Variants in ERI2 observed in about 807,000 individuals in gnomAD.
ERI2 encodes ERI1 exoribonuclease 2.
A neutral mutation model predicts 46.8 loss-of-function variants in ERI2; 35 were observed. That is an observed-to-expected ratio of 0.75 (90% CI 0.57 to 0.99). ERI2 has a LOEUF of 0.99. ERI2 is among the 50% of genes least tolerant of loss of function. ERI2 has a pLI of 0.00. For synonymous variants in ERI2, 224 were observed against 271.0 expected, an observed-to-expected ratio of 0.83 and a Z score of 1.70; for missense variants, 695 against 796.2, an observed-to-expected ratio of 0.87 and a Z score of 1.53.
At chr16:20,787,830 AG>A (rs768130096) in intron 10 of ERI2, among the ~76,000 whole-genome samples, 2 of 152,220 alleles carry the variant, frequency 1.3e-5, no homozygotes, top group Non-Finnish European at 2.9e-5. Flanking sequence ...AGTTGGGACT[AG>A]AGTGACCAAC....
At chr16:20,780,676 G>A (rs1197080061) in exon 11 of ERI2, 9 of 1,614,200 alleles carry the variant, frequency 5.6e-6, no homozygotes, top group Non-Finnish European at 6.8e-6. Flanking sequence ...CTGTGATGCT[G>A]TGTTTAACAT....
Position 20,790,463 on chromosome 16 carries a change from A to G in ERI2, c.815+387T>C, listed in dbSNP as rs1244581183. On this transcript the variant is annotated intron_variant, in intron 9 of 10. Transcript: ENST00000300005. The surrounding 1 kb of genome is among the most constrained non-coding windows in gnomAD (Gnocchi z 4.0). The stretch of plus-strand genomic sequence containing the variant: ...CAAAGTGAGACCTTGTCTCACACAC[A>G]CAAAATTTTTTTTAAGTCTTCATTT... 8 of 903,102 alleles carry G rather than the reference A, an allele frequency of 8.9e-6. No individual in the cohort carries two copies. Among genetic ancestry groups the G allele is most frequent in the South Asian group, 5.1e-5 (3 of 59,138 alleles). The allele number at this position is 903,102 out of a possible 1,614,324, so 55.9% of individuals were successfully genotyped here. A position where few individuals can be genotyped will look rare whatever the true frequency, so the allele number is the denominator to read the frequency against.
intron 10 of ERI2, among the ~76,000 whole-genome samples, chr16:20,787,648 C>A (rs2080503488): frequency 6.6e-6 from 1 of 152,206 alleles, no homozygotes; most frequent in African/African-American, 2.4e-5. Flanking sequence ...TGCTGTAACT[C>A]TTTATAGAAT....
At chr16:20,787,002 C>A (rs1412855861) in intron 10 of ERI2, among the ~76,000 whole-genome samples, 1 of 152,198 alleles carries the variant, frequency 6.6e-6, no homozygotes, top group Non-Finnish European at 1.5e-5. Context: ...CTGGCCATTT[C>A]CAGCCTCTCT....
Position 20,790,629 on chromosome 16 carries a change from G to A in ERI2, c.815+221C>T. ...CAATGTTCTACCTCCTGGACAAGAA[G>A]GAGATATTGGCATTCAAGTTCTACC... On this transcript the variant is annotated intron_variant, in intron 9 of 10. Coordinates refer to the ERI2 transcript ENST00000300005. The surrounding 1 kb of genome is among the most constrained non-coding windows in gnomAD (Gnocchi z 4.0). The A allele has an allele frequency of 2.5e-6, 4 of 1,614,094 alleles. No homozygotes were observed. The highest frequency in any genetic ancestry group is 3.4e-6 in the Non-Finnish European group (4 of 1,179,996).
At chr16:20,806,160 C>A in intron 1 of ERI2, 1 of 1,375,838 alleles carries the variant, frequency 7.3e-7, no homozygotes. Flanking sequence ...CAAGGCCACA[C>A]AGTCAAGGCC....
At chr16:20,781,714 T>TC in intron 10 of ERI2, 1 of 1,612,320 alleles carries the variant, frequency 6.2e-7, no homozygotes, top group Non-Finnish European at 8.5e-7. Context: ...GCAGACACTC[T>TC]CCAAGTACCC....
At chr16:20,784,160 C>G (rs577548732) in intron 10 of ERI2, among the ~76,000 whole-genome samples, 1 of 152,194 alleles carries the variant, frequency 6.6e-6, no homozygotes, top group African/African-American at 2.4e-5. Context: ...CAGTTCTGCA[C>G]CTTGCTTTTT....
At position 20,798,422 on chromosome 16, in the gene ERI2, C is replaced by A. The variant is rs1350254337; in HGVS notation, c.1378G>T (p.Asp460Tyr). Residue 460 changes from aspartate (D) to tyrosine (Y), a missense_variant, in exon 9 of 9, where the codon GAC (aspartate) becomes TAC (tyrosine). Coordinates refer to ENST00000357967, the MANE Select transcript of ERI2 (RefSeq NM_001142725.2). ...LEMSSHENFG[D>Y]IEETPQKSET... ...GATTTTTGAGGAGTTTCCTCTATGTCTCCAAAGTTTTCATGACTTGACATT... is the reference window on the plus strand; with the variant it reads ...GATTTTTGAGGAGTTTCCTCTATGTATCCAAAGTTTTCATGACTTGACATT... The A allele has an allele frequency of 4.5e-6, 7 of 1,550,532 alleles. No homozygotes were observed. The African/African-American group carries it at 8.2e-5, about 18-fold the overall frequency.
At chr16:20,795,580 C>T (rs1221541170), downstream of ERI2, among the ~76,000 whole-genome samples, 1 of 152,196 alleles carries the variant, frequency 6.6e-6, no homozygotes, top group East Asian at 1.9e-4. Context: ...ATTTCAGGCA[C>T]CTAAGTGCAG....
chr16:20,792,287 A>G, downstream of ERI2: 1 of 1,614,136 alleles, frequency 6.2e-7, no homozygotes, highest in Non-Finnish European at 8.5e-7. Context: ...AACACCCTTC[A>G]GTTGCAGAGT....
chr16:20,792,377 A>G, downstream of ERI2: 7 of 1,607,116 alleles, frequency 4.4e-6, no homozygotes, highest in Non-Finnish European at 6.0e-6. Flanking sequence ...TTTGTTGGCA[A>G]TTTAACACAT....
At position 20,797,936 on chromosome 16, in the gene ERI2, A is replaced by G. The variant is rs570288690; in HGVS notation, c.1864T>C (p.Cys622Arg). 3.2e-6 allele frequency: 5 copies of G among 1,551,892 alleles called. No individual in the cohort carries two copies. Among genetic ancestry groups the G allele is most frequent in the African/African-American group, 1.4e-5 (1 of 73,166 alleles). The change falls in exon 9 of 9, where the codon TGC becomes CGC. Residue 622 changes from cysteine (C) to arginine (R), a missense_variant. Coordinates refer to ENST00000357967, the MANE Select transcript of ERI2 (RefSeq NM_001142725.2). ...TTTTCTTGGTATTTCCCGATAGGGC[A>G]ACAATAGAAGACTTTTCCATGGTTC... ...GPNHGKVFYC[C>R]PIGKYQENRK... is the part of the protein sequence containing the mutation.
intron 10 of ERI2, chr16:20,781,246 G>A (rs917366505): frequency 5.4e-6 from 7 of 1,292,570 alleles, no homozygotes; most frequent in Non-Finnish European, 6.4e-6. Context: ...TTTAAGATAT[G>A]TCACATCCAG....
At position 20,798,466 on chromosome 16, in the gene ERI2, A is replaced by G. The variant is rs1441629245; in HGVS notation, c.1334T>C (p.Met445Thr). 2 of 1,551,452 alleles carry G rather than the reference A, an allele frequency of 1.3e-6. No individual in the cohort carries two copies. The highest frequency in any genetic ancestry group is 1.7e-6 in the Non-Finnish European group (2 of 1,146,862). Reference protein sequence around the residue: ...EISFNSGERLMVLKELEMSSH... With the variant: ...EISFNSGERLTVLKELEMSSH... ...TGACATTTCCAATTCTTTCAAAACC[A>G]TTAATCTTTCTCCAGAATTAAATGA... Residue 445 changes from methionine to threonine, a missense_variant, in exon 9 of 9, where the codon ATG becomes ACG. Coordinates refer to ENST00000357967, the MANE Select transcript of ERI2 (RefSeq NM_001142725.2).
In ERI2 at chr16:20,800,502, A is replaced by G. The variant is rs1266818890; in HGVS notation, c.461-100T>C. ...ATAGAATGCTAGAAGATCATATAAA[A>G]TAGAACAGTATGATTTCATTGCTCT... On this transcript the variant is annotated intron_variant, in intron 5 of 8. Transcript: ENST00000357967. The G allele has an allele frequency of 7.7e-5, 49 of 633,982 alleles. No homozygotes were observed. In the East Asian group the frequency reaches 1.4e-3, roughly 18 times the overall value. The allele number at this position is 633,982 out of a possible 1,614,324, so 39.3% of individuals were successfully genotyped here. A position where few individuals can be genotyped will look rare whatever the true frequency, so the allele number is the denominator to read the frequency against.
Position 20,797,993 on chromosome 16 carries a change from A to C in ERI2, c.1807T>G (p.Ser603Ala). 6.4e-7 allele frequency: 1 copy of C among 1,551,948 alleles called. No individual in the cohort carries two copies. Among genetic ancestry groups the C allele is most frequent in the South Asian group, 1.2e-5 (1 of 84,058 alleles). Residue 603 changes from serine to alanine, a missense_variant, in exon 9 of 9, where the codon TCT (serine) becomes GCT (alanine). By Grantham distance (99) the Ser-to-Ala change is moderately conservative. Coordinates refer to ENST00000357967, the MANE Select transcript of ERI2 (RefSeq NM_001142725.2). Reference protein sequence around the residue: ...TPPLCKCGRRSKRLVVSNNGP... With the variant: ...TPPLCKCGRRAKRLVVSNNGP... ...TTATTAGAAACAACAAGTCTCTTAG[A>C]TCTCCGACCACACTTGCATAATGGA...
chr16:20,791,946 C>A, downstream of ERI2: 4 of 1,570,630 alleles, frequency 2.5e-6, no homozygotes, highest in Admixed American at 3.8e-5. Flanking sequence ...AAAAAAATTC[C>A]AATTGACCAG....
chr16:20,802,275 GA>G (rs1051278041), intron 4 of ERI2, among the ~76,000 whole-genome samples: 3 of 152,032 alleles, frequency 2.0e-5, no homozygotes, highest in Non-Finnish European at 4.4e-5. Flanking sequence ...CCAGGAAGCA[GA>G]GGTTGCAGTG....
Sources: gnomAD v4.1 joint callset for allele counts (sites outside exome capture counted in the v4.1 genomes callset) on GRCh38, gnomAD v4.1.1 for gene constraint, Gnocchi (gnomAD v3.1) non-coding constraint, MANE v1.5 for transcripts, NCBI Gene and HGNC (gene_info 2026-07-23, HGNC 2026-07-21) for gene names.